Variants in ALOX15 observed in about 807,000 individuals in gnomAD.
ALOX15 encodes polyunsaturated fatty acid lipoxygenase ALOX15.
ALOX15 carries 68 observed loss-of-function variants against 71.7 expected under a neutral mutation model. The ratio of observed to expected loss-of-function variants is 0.95; its 90% CI spans 0.78 to 1.16. The LOEUF (loss-of-function observed/expected upper bound fraction) is 1.16, where lower values mean the gene tolerates loss of function less well. Among genes scored for constraint, ALOX15 ranks in the 50% most tolerant of loss-of-function variants. ALOX15 has a pLI of 0.00. For missense variants in ALOX15, 798 were observed against 818.8 expected (o/e 0.97, Z 0.31); for synonymous variants, 346 against 333.3 (o/e 1.04, Z -0.42).
chr17:4,641,049 T>C (rs1416927659), intron 1 of ALOX15, among the ~76,000 whole-genome samples: 2 of 150,068 alleles, frequency 1.3e-5, no homozygotes, highest in African/African-American at 2.5e-5. Context: ...TGACATGAGA[T>C]ATGACGGGAG....
intron 1 of ALOX15, 120 bp downstream of exon 1, chr17:4,641,397 T>C (rs1053304339): frequency 6.9e-7 from 1 of 1,441,972 alleles, no homozygotes; most frequent in African/African-American, 1.4e-5. Flanking sequence ...TTGAGCCCAA[T>C]GCGCGGGCCC....
At chr17:4,636,230 T>G (rs1046832927) in intron 7 of ALOX15, among the ~76,000 whole-genome samples, 2 of 152,166 alleles carry the variant, frequency 1.3e-5, no homozygotes, top group African/African-American at 4.8e-5. Flanking sequence ...CACTTCCCCT[T>G]TCAGTTCCCA....
In ALOX15 at chr17:4,639,457, C is replaced by G. The variant is rs750370297; in HGVS notation, c.310G>C (p.Gly104Arg). The G allele has an allele frequency of 3.7e-6, 6 of 1,613,438 alleles. No homozygotes were observed. The African/African-American group carries it at 8.0e-5, about 22-fold the overall frequency. The change falls in exon 2 of 14, where the codon GGC becomes CGC. Residue 104 changes from glycine (G) to arginine (R), a missense_variant. Gly to Arg is a moderately radical substitution (Grantham distance 125, BLOSUM62 -2). Coordinates refer to ENST00000293761, the MANE Select transcript of ALOX15 (RefSeq NM_001140.5). ...FPCYRWVEGN[G>R]VLSLPEGTGR... ...GTGCCTTCAGGCAGGCTCAGGACGCCGTTGCCCTCCACCCAGCGGTAACAA... is the reference window on the plus strand; with the variant it reads ...GTGCCTTCAGGCAGGCTCAGGACGCGGTTGCCCTCCACCCAGCGGTAACAA...
At chr17:4,632,100 C>T (rs200102401) in intron 12 of ALOX15, 44 bp from the exon 13 acceptor site, 117 of 1,609,980 alleles carry the variant, frequency 7.3e-5, no homozygotes, top group Admixed American at 8.4e-5. Flanking sequence ...ACCAAGCACG[C>T]GAGCCCCGTG....
rs781438146 is a variant in ALOX15, at chr17:4,631,681, T to G, written c.1908A>C (p.Glu636Asp). 2.5e-6 allele frequency: 4 copies of G among 1,614,198 alleles called. No homozygotes were observed. In the South Asian group the frequency reaches 4.4e-5, roughly 18 times the overall value. Reference sequence around the variant, plus strand: ...CCAGCTTTGCATTCCGGATCTCAATTTCCTTATCCAGGGCAGCCAGCTCCT... The same window carrying G: ...CCAGCTTTGCATTCCGGATCTCAATGTCCTTATCCAGGGCAGCCAGCTCCT... ...FREELAALDK[E>D]IEIRNAKLDM... Residue 636 changes from glutamate (E) to aspartate (D), a missense_variant, in exon 14 of 14, where the codon GAA becomes GAC. Around this residue, in one of 3 missense-constraint regions of ALOX15, gnomAD observed 490 missense variants for 509.4 expected, o/e 0.96. Transcript: ENST00000293761.
rs1910888102 is a variant in ALOX15, at chr17:4,631,362, G to C, written c.*238C>G. The C allele has an allele frequency of 3.6e-6, 2 of 554,782 alleles. No individual in the cohort carries two copies. Among genetic ancestry groups the C allele is most frequent in the Admixed American group, 3.2e-5 (1 of 30,990 alleles). The allele number at this position is 554,782 out of a possible 1,614,324, so 34.4% of individuals were successfully genotyped here. On this transcript the variant is annotated 3_prime_UTR_variant, in exon 14 of 14. Coordinates refer to ENST00000293761, the MANE Select transcript of ALOX15 (RefSeq NM_001140.5). Reference sequence around the variant, plus strand: ...CCATATAGATCTGAATGAAGAAAGAGGAAGAGAGAGAGGAAGGAAGATAGG... The same window carrying C: ...CCATATAGATCTGAATGAAGAAAGACGAAGAGAGAGAGGAAGGAAGATAGG...
In ALOX15 at chr17:4,631,534, T is replaced by G; in HGVS notation, c.*66A>C. 1 of 1,581,094 alleles carries G rather than the reference T, an allele frequency of 6.3e-7. No individual in the cohort carries two copies. Among genetic ancestry groups the G allele is most frequent in the East Asian group, 2.2e-5 (1 of 44,668 alleles). On this transcript the variant is annotated 3_prime_UTR_variant, in exon 14 of 14. Transcript: ENST00000293761. ...GGTGGGACTTGGGAGGGCAGGGCTATAACCACGAAGGGGTCAGCTTGTGGC... is the reference window on the plus strand; with the variant it reads ...GGTGGGACTTGGGAGGGCAGGGCTAGAACCACGAAGGGGTCAGCTTGTGGC...
Position 4,638,870 on chromosome 17 carries a change from A to C in ALOX15, c.522T>G (p.Phe174Leu). 6.2e-7 allele frequency: 1 copy of C among 1,614,200 alleles called. No individual in the cohort carries two copies. The highest frequency in any genetic ancestry group is 8.5e-7 in the Non-Finnish European group (1 of 1,180,036). The stretch of plus-strand genomic sequence containing the variant: ...CTCACCCCTTGGCCAGCGAAACCTC[A>C]AAGTCAACTCTCTTGTCTTCCAGAA... The part of the protein sequence containing the change: ...ERFLEDKRVD[F>L]EVSLAKGLAD... Residue 174 changes from phenylalanine to leucine, a missense_variant, in exon 4 of 14, where the codon TTT (phenylalanine) becomes TTG (leucine). Transcript: ENST00000293761.
At chr17:4,632,728 G>A (rs1270186865) in intron 11 of ALOX15, 133 bp downstream of exon 11, 1 of 1,418,780 alleles carries the variant, frequency 7.0e-7, no homozygotes, top group African/African-American at 1.4e-5. Context: ...GACAGGGAGT[G>A]GAATCTGAGA....
At chr17:4,632,112 T>C in intron 12 of ALOX15, 56 bp from the exon 13 acceptor site, 2 of 1,611,572 alleles carry the variant, frequency 1.2e-6, no homozygotes, top group Non-Finnish European at 1.7e-6. Context: ...AGCCCCGTGG[T>C]CCACCTGCAC....
rs753157650 is a variant in ALOX15, at chr17:4,638,954, G to A, written c.438C>T (p.Asp146=). The A allele has an allele frequency of 3.4e-5, 55 of 1,614,106 alleles. No homozygotes were observed. Among genetic ancestry groups the A allele is most frequent in the Middle Eastern group, 1.6e-4 (1 of 6,084 alleles). ...RKLYRWGNWK[D]GLILNMAGAK... ...CCCCAGCCATATTCAGAATTAACCC[G>A]TCCTTCCAGTTTCCCCACCTGTGGG... Residue 146 remains aspartate (D), a synonymous_variant, in exon 4 of 14, where the codon GAC becomes GAT. Coordinates refer to ENST00000293761, the MANE Select transcript of ALOX15 (RefSeq NM_001140.5).
rs1407520706 is a variant in ALOX15, at chr17:4,632,915, G to T, written c.1486C>A (p.Gln496Lys). Residue 496 changes from glutamine (Q) to lysine (K), a missense_variant, in exon 11 of 14, where the codon CAG becomes AAG. Gln to Lys is a moderately conservative substitution (Grantham distance 53). Around this residue, in one of 3 missense-constraint regions of ALOX15, gnomAD observed 490 missense variants for 509.4 expected, o/e 0.96. Coordinates refer to ENST00000293761, the MANE Select transcript of ALOX15 (RefSeq NM_001140.5). ...TCAGTGATCTCTCGACACCAGGTCT[G>T]CAGCTCTGGGTCGTCTTTCACAGCC... ...DVAVKDDPEL[Q>K]TWCREITEIG... 1 of 1,614,028 alleles carries T rather than the reference G, an allele frequency of 6.2e-7. No homozygotes were observed. Among genetic ancestry groups the T allele is most frequent in the Non-Finnish European group, 8.5e-7 (1 of 1,180,026 alleles).
chr17:4,638,688 C>A lies in ALOX15; in HGVS notation c.543-4G>T, dbSNP rs780421040. On this transcript the variant is annotated splice_region_variant and splice_polypyrimidine_tract_variant and intron_variant, in intron 4 of 13. Transcript: ENST00000293761. ...TTTGATAGCGAGGTCGGCCAGCCTT[C>A]AGGGCAGGATGGGGCAAAGGGTTTG... 1.9e-6 allele frequency: 3 copies of A among 1,614,038 alleles called. No individual in the cohort carries two copies. In the African/African-American group the frequency reaches 4.0e-5, roughly 22 times the overall value.
intron 2 of ALOX15, 31 bp downstream of exon 2, chr17:4,639,399 G>A (rs1223949349): frequency 6.2e-7 from 1 of 1,611,940 alleles, no homozygotes; most frequent in African/African-American, 1.3e-5. Context: ...ACAGCCCAGA[G>A]GCCTCCTGAC....
chr17:4,637,172 G>C lies in ALOX15; in HGVS notation c.894C>G (p.Ala298=). 1 of 1,613,896 alleles carries C rather than the reference G, an allele frequency of 6.2e-7. No individual in the cohort carries two copies. The highest frequency in any genetic ancestry group is 8.5e-7 in the Non-Finnish European group (1 of 1,179,886). Residue 298 remains alanine (A), a synonymous_variant, in exon 7 of 14, where the codon GCC becomes GCG. Coordinates refer to ENST00000293761, the MANE Select transcript of ALOX15 (RefSeq NM_001140.5). Reference sequence around the variant, plus strand: ...GCTGCAATTTCAGCATGACTAGAGGGGCAGCCAGGTGCTGCTGGCTACAGA... The same window carrying C: ...GCTGCAATTTCAGCATGACTAGAGGCGCAGCCAGGTGCTGCTGGCTACAGA... ...VILCSQQHLA[A]PLVMLKLQPD... is the part of the protein sequence containing the mutation.
chr17:4,634,701 G>T (rs533256549), intron 8 of ALOX15, among the ~76,000 whole-genome samples: 1 of 151,794 alleles, frequency 6.6e-6, no homozygotes, highest in East Asian at 1.9e-4. Context: ...AGATTTGGCC[G>T]GCCACGGTGG....
At chr17:4,632,719 A>T in intron 11 of ALOX15, 142 bp downstream of exon 11, 1 of 1,356,524 alleles carries the variant, frequency 7.4e-7, no homozygotes, top group Non-Finnish European at 1.0e-6. Context: ...TCTCTAGGTG[A>T]CAGGGAGTGG....
rs753410571 is a variant in ALOX15, at chr17:4,636,139, G to A, written c.952-171C>T. The stretch of plus-strand genomic sequence containing the variant: ...GTTTCCTCCCCTCCCCTTCCTGCCC[G>A]CTCAGTGCATTAGCACCCTGCAAGC... On this transcript the variant is annotated intron_variant, in intron 7 of 13. Transcript: ENST00000293761. 4.7e-4 allele frequency among the ~76,000 whole-genome samples: 71 copies of A among 151,788 alleles called. 2 individuals are homozygous for A. The highest frequency in any genetic ancestry group is 2.2e-3 in the Admixed American group (34 of 15,240).
In ALOX15 at chr17:4,631,567, A is replaced by G. The variant is rs767291618; in HGVS notation, c.*33T>C. 1 of 1,607,046 alleles carries G rather than the reference A, an allele frequency of 6.2e-7. No individual in the cohort carries two copies. On this transcript the variant is annotated 3_prime_UTR_variant, in exon 14 of 14. Transcript: ENST00000293761. Reference sequence around the variant, plus strand: ...AAGGGGTCAGCTTGTGGCTTGGGTGATGGGGGCTGAAATAACCAAAGGGTG... The same window carrying G: ...AAGGGGTCAGCTTGTGGCTTGGGTGGTGGGGGCTGAAATAACCAAAGGGTG...
Sources: allele counts gnomAD v4.1 joint callset (sites outside exome capture counted in the v4.1 genomes callset), GRCh38; gene constraint gnomAD v4.1.1; regional missense constraint gnomAD v4.1.1; transcripts MANE v1.5; gene names NCBI Gene and HGNC (gene_info 2026-07-23, HGNC 2026-07-21).